VPS13A: variants seen among roughly 807,000 people sequenced by gnomAD.
VPS13A encodes intermembrane lipid transfer protein VPS13A.
In VPS13A, 264 loss-of-function variants were observed where a neutral mutation model predicts 390.9. The observed-to-expected ratio is 0.68, with a 90% CI of 0.61 to 0.75. VPS13A has a LOEUF of 0.75. Among genes scored for constraint, VPS13A ranks in the 30% least tolerant of loss-of-function variants. The pLI, the probability that VPS13A is intolerant of heterozygous loss-of-function variation, is 0.00. For synonymous variants in VPS13A, 1,231 were observed against 1,227.1 expected, an observed-to-expected ratio of 1.00 and a Z score of -0.07; for missense variants, 3,409 against 3,733.9, an observed-to-expected ratio of 0.91 and a Z score of 2.27.
At chr9:77,410,700 C>G (rs1449145179) in intron 71 of VPS13A, among the ~76,000 whole-genome samples, 1 of 151,956 alleles carries the variant, frequency 6.6e-6, no homozygotes, top group Non-Finnish European at 1.5e-5. Context: ...ACAAAGAAGG[C>G]CATTACATAA....
chr9:77,409,771 G>T (rs1318737924), intron 71 of VPS13A, among the ~76,000 whole-genome samples: 1 of 151,098 alleles, frequency 6.6e-6, no homozygotes, highest in African/African-American at 2.4e-5. Flanking sequence ...AATCAACAAA[G>T]CCTCCAAGAA....
chr9:77,395,944 C>T (rs1244125151), intron 68 of VPS13A: 2 of 152,132 alleles, frequency 1.3e-5, no homozygotes, highest in Non-Finnish European at 2.9e-5. Flanking sequence ...AGTAAAACCT[C>T]AGTGATTTGA....
chr9:77,345,928 C>G (rs1022369666), intron 52 of VPS13A, among the ~76,000 whole-genome samples: 1 of 151,884 alleles, frequency 6.6e-6, no homozygotes, highest in Non-Finnish European at 1.5e-5. Flanking sequence ...AAGAGGGATG[C>G]CTGTTTTTTT....
intron 68 of VPS13A, chr9:77,382,435 A>G: frequency 7.1e-7 from 1 of 1,403,732 alleles, no homozygotes; most frequent in Non-Finnish European, 9.3e-7. Flanking sequence ...TAGGAATTTT[A>G]ATGAATCTGG....
chr9:77,188,978 TTTG>T (rs1824510159), intron 1 of VPS13A, among the ~76,000 whole-genome samples: 1 of 152,006 alleles, frequency 6.6e-6, no homozygotes, highest in African/African-American at 2.4e-5. Flanking sequence ...TTTCTGCTTG[TTTG>T]TTTAAGTTCC....
intron 68 of VPS13A, among the ~76,000 whole-genome samples, chr9:77,391,206 C>A (rs886881280): frequency 2.6e-5 from 4 of 152,110 alleles, no homozygotes; most frequent in African/African-American, 9.7e-5. Flanking sequence ...TCCCTAGTTA[C>A]CTTGGACACA....
At chr9:77,209,103 C>T (rs1053908777) in intron 5 of VPS13A, among the ~76,000 whole-genome samples, 4 of 152,134 alleles carry the variant, frequency 2.6e-5, no homozygotes, top group African/African-American at 9.7e-5. Context: ...TGGATTTTCT[C>T]ATTTAAGTCT....
At chr9:77,279,108 C>G (rs1826863589) in intron 26 of VPS13A, among the ~76,000 whole-genome samples, 1 of 152,204 alleles carries the variant, frequency 6.6e-6, no homozygotes, top group Non-Finnish European at 1.5e-5. Flanking sequence ...GACCGTCTTC[C>G]TTATCGCAAG....
Position 77,344,226 on chromosome 9 carries a change from A to C in VPS13A, c.7100A>C (p.Lys2367Thr). 6.2e-7 allele frequency: 1 copy of C among 1,613,356 alleles called. No individual in the cohort carries two copies. The highest frequency in any genetic ancestry group is 8.5e-7 in the Non-Finnish European group (1 of 1,179,516). ...GTCGAAAGGAGTGAAGATCCTCCCAAAAGGATATATTTTAACAAGCAGGAA... is the reference window on the plus strand; with the variant it reads ...GTCGAAAGGAGTGAAGATCCTCCCACAAGGATATATTTTAACAAGCAGGAA... ...IQVERSEDPP[K>T]RIYFNKQENC... Residue 2367 changes from lysine to threonine, a missense_variant, in exon 51 of 72, where the codon AAA becomes ACA. Physicochemically the swap from Lys to Thr is moderately conservative, Grantham distance 78. Coordinates refer to ENST00000360280, the MANE Select transcript of VPS13A (RefSeq NM_033305.3).
intron 39 of VPS13A, 118 bp downstream of exon 39, chr9:77,316,524 T>C (rs544567679): frequency 2.3e-5 from 19 of 837,980 alleles, no homozygotes; most frequent in Non-Finnish European, 3.8e-5. Context: ...AATGTCTTTC[T>C]CTCTGCTTAG....
chr9:77,258,332 G>A (rs951774528), intron 22 of VPS13A, among the ~76,000 whole-genome samples: 7 of 152,164 alleles, frequency 4.6e-5, no homozygotes, highest in South Asian at 4.1e-4. Context: ...GAAGAATAGA[G>A]GGAATTAGAG....
intron 5 of VPS13A, among the ~76,000 whole-genome samples, chr9:77,207,255 A>AT (rs1825730752): frequency 1.5e-5 from 2 of 131,450 alleles, no homozygotes; most frequent in Non-Finnish European, 3.3e-5. Flanking sequence ...ATATATATAA[A>AT]ACGTGTTATA....
chr9:77,252,320 G>A lies in VPS13A; in HGVS notation c.2256G>A (p.Lys752=). The stretch of plus-strand genomic sequence containing the variant: ...TGCACTTCAATTTGGAACTGTCTAA[G>A]GCCATGGTTTTCATGGATGTAAGGA... The part of the protein sequence containing the change: ...VPMHFNLELS[K]AMVFMDVRMP... The change falls in exon 22 of 72, where the codon AAG becomes AAA. Residue 752 remains lysine, a synonymous_variant. Coordinates refer to ENST00000360280, the MANE Select transcript of VPS13A (RefSeq NM_033305.3). 2 of 1,613,924 alleles carry A rather than the reference G, an allele frequency of 1.2e-6. No individual in the cohort carries two copies. The highest frequency in any genetic ancestry group is 1.7e-6 in the Non-Finnish European group (2 of 1,179,900).
intron 45 of VPS13A, among the ~76,000 whole-genome samples, chr9:77,326,035 T>C (rs1830003529): frequency 6.6e-6 from 1 of 152,210 alleles, no homozygotes; most frequent in Non-Finnish European, 1.5e-5. Context: ...CATAGAAATC[T>C]AGATTGGCAG....
intron 46 of VPS13A, among the ~76,000 whole-genome samples, chr9:77,333,669 T>C (rs1183334859): frequency 6.6e-6 from 1 of 152,064 alleles, no homozygotes; most frequent in Non-Finnish European, 1.5e-5. Context: ...AATCTAGTAC[T>C]TCAGTATAGG....
chr9:77,399,167 T>TAAAAAAA (rs763173093), intron 68 of VPS13A, among the ~76,000 whole-genome samples: 8 of 86,116 alleles, frequency 9.3e-5, no homozygotes, highest in African/African-American at 2.1e-4. Context: ...TAGAGTATAA[T>TAAAAAAA]AAAAAAAAAA....
intron 31 of VPS13A, among the ~76,000 whole-genome samples, chr9:77,285,097 C>T (rs966927930): frequency 6.6e-5 from 10 of 152,142 alleles, no homozygotes; most frequent in East Asian, 1.9e-4. Context: ...TCTTCTTGCA[C>T]GATTTTCATT....
intron 33 of VPS13A, among the ~76,000 whole-genome samples, chr9:77,299,624 C>T (rs550226822): frequency 3.4e-4 from 52 of 152,204 alleles, no homozygotes; most frequent in South Asian, 3.3e-3. Context: ...CACATGCACA[C>T]GTATGTTTAT....
intron 45 of VPS13A, 134 bp downstream of exon 45, chr9:77,323,361 A>T (rs1330217706): frequency 1.9e-6 from 2 of 1,047,002 alleles, no homozygotes; most frequent in African/African-American, 3.2e-5. Context: ...CAAAAAGAAG[A>T]CTCACTACCA....
Sources: allele counts gnomAD v4.1 joint callset (sites outside exome capture counted in the v4.1 genomes callset), GRCh38; gene constraint gnomAD v4.1.1; transcripts MANE v1.5; gene names NCBI Gene and HGNC (gene_info 2026-07-23, HGNC 2026-07-21).